TMEM132D: variants seen among roughly 807,000 people sequenced by gnomAD.
TMEM132D encodes the protein mature OL transmembrane protein.
Under a neutral mutation model 62.3 loss-of-function variants are expected in TMEM132D, and 21 were observed. The observed-to-expected ratio is 0.34, with a 90% CI of 0.24 to 0.49. TMEM132D has a LOEUF of 0.49. TMEM132D is among the 20% of genes least tolerant of loss of function. The probability of loss-of-function intolerance (pLI) is 0.99; values close to 1 mark genes in which losing one functional copy is unlikely to be tolerated. For missense variants in TMEM132D, 1,346 were observed against 1,402.8 expected (o/e 0.96, Z 0.65); for synonymous variants, 621 against 575.6 (o/e 1.08, Z -1.13).
intron 1 of TMEM132D, among the ~76,000 whole-genome samples, chr12:129,775,883 CTCTATCAATCG>C (rs574300237): frequency 1.3e-5 from 2 of 152,132 alleles, no homozygotes; most frequent in Non-Finnish European, 2.9e-5. Flanking sequence ...CTGTAAAGGA[CTCTATCAATCG>C]TCTATCAATA....
chr12:129,833,363 G>A (rs1872905172), intron 1 of TMEM132D, among the ~76,000 whole-genome samples: 1 of 152,200 alleles, frequency 6.6e-6, no homozygotes, highest in South Asian at 2.1e-4. Flanking sequence ...CACTTTGGGA[G>A]GCTGAGGTGG....
intron 2 of TMEM132D, among the ~76,000 whole-genome samples, chr12:129,627,911 C>CCA (rs1879262853): frequency 5.3e-5 from 8 of 152,062 alleles, no homozygotes; most frequent in Non-Finnish European, 8.8e-5. Context: ...TGCTTGAGCC[C>CCA]AGGGGGTCAA....
intron 4 of TMEM132D, among the ~76,000 whole-genome samples, chr12:129,302,980 C>T (rs1232246676): frequency 6.6e-6 from 1 of 152,170 alleles, no homozygotes; most frequent in Non-Finnish European, 1.5e-5. Context: ...GGCAGAAGAA[C>T]CAAGGAGTAG....
At chr12:129,627,494 T>C (rs977766011) in intron 2 of TMEM132D, among the ~76,000 whole-genome samples, 3 of 152,104 alleles carry the variant, frequency 2.0e-5, no homozygotes, top group Non-Finnish European at 2.9e-5. Flanking sequence ...TCAGAGTATG[T>C]CCCATCCTTA....
intron 2 of TMEM132D, among the ~76,000 whole-genome samples, chr12:129,575,345 A>G (rs576881369): frequency 6.6e-6 from 1 of 151,900 alleles, no homozygotes; most frequent in Admixed American, 6.5e-5. Context: ...GGCTGATGGC[A>G]CCTGCGTTAT....
chr12:129,819,980 G>A (rs1437443310), intron 1 of TMEM132D, among the ~76,000 whole-genome samples: 1 of 152,196 alleles, frequency 6.6e-6, no homozygotes, highest in Non-Finnish European at 1.5e-5. Flanking sequence ...CTCTCAAGAC[G>A]TTTGTTCATG....
intron 1 of TMEM132D, among the ~76,000 whole-genome samples, chr12:129,722,398 G>C (rs533055506): frequency 6.6e-6 from 1 of 152,288 alleles, no homozygotes; most frequent in Non-Finnish European, 1.5e-5. Context: ...CGTCACATCG[G>C]TGTGAAATTC....
intron 2 of TMEM132D, among the ~76,000 whole-genome samples, chr12:129,623,969 A>C (rs1045896125): frequency 6.6e-6 from 1 of 152,114 alleles, no homozygotes; most frequent in East Asian, 1.9e-4. Flanking sequence ...CTCACAATAC[A>C]CTTTTGTATA....
At chr12:129,847,816 C>T (rs759347488) in intron 1 of TMEM132D, among the ~76,000 whole-genome samples, 1 of 152,084 alleles carries the variant, frequency 6.6e-6, no homozygotes, top group Non-Finnish European at 1.5e-5. Context: ...TGCAAGAAGT[C>T]TGACAACCCT....
intron 1 of TMEM132D, among the ~76,000 whole-genome samples, chr12:129,843,413 AG>A (rs1419262393): frequency 6.6e-6 from 1 of 152,200 alleles, no homozygotes; most frequent in Non-Finnish European, 1.5e-5. Flanking sequence ...CCACCCCATA[AG>A]TGATCATAAT....
chr12:129,417,810 A>T (rs965718118), intron 3 of TMEM132D, among the ~76,000 whole-genome samples: 7 of 152,206 alleles, frequency 4.6e-5, no homozygotes, highest in Non-Finnish European at 8.8e-5. Flanking sequence ...CCATCTGACA[A>T]AGGGCTAATA....
chr12:129,832,277 G>T (rs1255310650), intron 1 of TMEM132D, among the ~76,000 whole-genome samples: 2 of 151,114 alleles, frequency 1.3e-5, no homozygotes, highest in Non-Finnish European at 2.9e-5. Context: ...AAAAGGGGGA[G>T]GGAAAGAATG....
intron 3 of TMEM132D, among the ~76,000 whole-genome samples, chr12:129,382,844 G>A (rs766800846): frequency 9.2e-5 from 14 of 152,228 alleles, no homozygotes; most frequent in Non-Finnish European, 1.9e-4. Flanking sequence ...TTGATTTTAC[G>A]GCTGGTGGTG....
chr12:129,269,300 C>A (rs1880786909), intron 4 of TMEM132D, among the ~76,000 whole-genome samples: 1 of 152,010 alleles, frequency 6.6e-6, no homozygotes. Context: ...TAAGTTGGTC[C>A]TTTCTATCCC....
rs576369438 is a variant in TMEM132D, at chr12:129,109,623, A to T, written c.1444-24921T>A. The T allele has an allele frequency of 2.0e-5, 3 of 153,088 alleles. No homozygotes were observed. The East Asian group carries it at 5.7e-4, about 29-fold the overall frequency. The allele number at this position is 153,088 out of a possible 1,614,324, so 9.5% of individuals were successfully genotyped here. A position where few individuals can be genotyped will look rare whatever the true frequency, so the allele number is the denominator to read the frequency against. On this transcript the variant is annotated intron_variant, in intron 5 of 8. Transcript: ENST00000422113. ...TGTGCTAGTCTCGTGATAGTGAATA[A>T]ATCTCACGAGATCTGATGGGTTTAT...
intron 4 of TMEM132D, 103 bp from the exon 5 acceptor site, chr12:129,209,766 G>A (rs1186070848): frequency 5.4e-6 from 8 of 1,489,158 alleles, no homozygotes; most frequent in Non-Finnish European, 7.3e-6. Context: ...AAACAGCACT[G>A]GCCTCTTCTG....
At chr12:129,136,942 GCCA>G in intron 5 of TMEM132D, among the ~76,000 whole-genome samples, 1 of 122,418 alleles carries the variant, frequency 8.2e-6, no homozygotes, top group Admixed American at 8.7e-5. Flanking sequence ...CATCATCATC[GCCA>G]CCATCATCAC....
At chr12:129,774,515 G>A (rs999868038) in intron 1 of TMEM132D, among the ~76,000 whole-genome samples, 4 of 152,188 alleles carry the variant, frequency 2.6e-5, no homozygotes, top group Non-Finnish European at 4.4e-5. Context: ...TTGCAATCAC[G>A]TCGGTTGTGG....
At chr12:129,698,010 C>T (rs1218571366) in intron 2 of TMEM132D, among the ~76,000 whole-genome samples, 1 of 152,108 alleles carries the variant, frequency 6.6e-6, no homozygotes, top group Non-Finnish European at 1.5e-5. Context: ...TCAAGTCAGT[C>T]GTTGGCGGAC....
Sources: gnomAD v4.1 joint callset for allele counts (sites outside exome capture counted in the v4.1 genomes callset) on GRCh38, gnomAD v4.1.1 for gene constraint, MANE v1.5 for transcripts, NCBI Gene and HGNC (gene_info 2026-07-23, HGNC 2026-07-21) for gene names.